The following PCDHGA3 variants were observed in gnomAD, a reference collection of about 807,000 sequenced individuals.
The protein encoded by PCDHGA3 is protocadherin gamma-A3.
A neutral mutation model predicts 58.5 loss-of-function variants in PCDHGA3; 40 were observed. The observed-to-expected ratio is 0.68, with a 90% confidence interval of 0.53 to 0.89. PCDHGA3 has a LOEUF of 0.89. Ranked by LOEUF, PCDHGA3 falls within the 40% of genes least tolerant of loss-of-function variation. The probability of loss-of-function intolerance (pLI) is 0.00; values close to 1 mark genes in which losing one functional copy is unlikely to be tolerated. For synonymous variants in PCDHGA3, 530 were observed against 525.7 expected (o/e 1.01, Z -0.11); for missense variants, 1,223 against 1,195.9 (o/e 1.02, Z -0.33).
In PCDHGA3 at chr5:141,364,723, G is replaced by A. The variant is rs746438679; in HGVS notation, c.2424+18266G>A. On this transcript the variant is annotated intron_variant, in intron 1 of 3. Coordinates refer to ENST00000253812, the MANE Select transcript of PCDHGA3 (RefSeq NM_018916.4). ...TAATCGATATTAATGATAACTTCCC[G>A]CGTTTCCGGGATGAAGAGTTAAAAG... 4 of 1,613,938 alleles carry A rather than the reference G, an allele frequency of 2.5e-6. No homozygotes were observed. The East Asian group carries it at 6.7e-5, about 27-fold the overall frequency.
rs1248104988 is a variant in PCDHGA3, at chr5:141,409,585, G to A, written c.2424+63128G>A. 3.1e-6 allele frequency: 5 copies of A among 1,613,912 alleles called. No individual in the cohort carries two copies. The Admixed American group carries it at 5.0e-5, about 16-fold the overall frequency. ...ACCAGACGTCCTACGTGGTCCACGT[G>A]GCCGAGAACAACCCGCCAGGAGCCT... On this transcript the variant is annotated intron_variant, in intron 1 of 3. Coordinates refer to ENST00000253812, the MANE Select transcript of PCDHGA3 (RefSeq NM_018916.4).
chr5:141,476,078 C>G lies in PCDHGA3; in HGVS notation c.2425-18729C>G. On this transcript the variant is annotated intron_variant, in intron 1 of 3. Transcript: ENST00000253812. The surrounding 1 kb of genome is among the most constrained non-coding windows in gnomAD (Gnocchi z 7.6). ...AAGTTTCTCAGCGAAATCTCAGGGA[C>G]GATCTGGACCCCGCTGAGAGGAACT... is the stretch of plus-strand genomic sequence containing the variant. 1 of 1,528,034 alleles carries G rather than the reference C, an allele frequency of 6.5e-7. No homozygotes were observed. 94.7% of individuals were successfully genotyped at this position (1,528,034 alleles called of 1,614,324 possible).
chr5:141,496,589 G>A (rs914585858), intron 2 of PCDHGA3, among the ~76,000 whole-genome samples: 7 of 152,124 alleles, frequency 4.6e-5, no homozygotes, highest in Admixed American at 6.5e-5. Flanking sequence ...AACGCAAAGC[G>A]CTTCTTAGAA....
In PCDHGA3 at chr5:141,476,516, G is replaced by T. The variant is rs1042414523; in HGVS notation, c.2425-18291G>T. 1 of 1,614,016 alleles carries T rather than the reference G, an allele frequency of 6.2e-7. No individual in the cohort carries two copies. The highest frequency in any genetic ancestry group is 8.5e-7 in the Non-Finnish European group (1 of 1,180,022). ...CCAGGACATCAACGACAACAATCCT[G>T]CTTTCCCTACCCAGGAAATGAAATT... On this transcript the variant is annotated intron_variant, in intron 1 of 3. Transcript: ENST00000253812. The surrounding 1 kb of genome is among the most constrained non-coding windows in gnomAD (Gnocchi z 7.6).
chr5:141,403,960 G>C (rs775638627), intron 1 of PCDHGA3: 2 of 1,613,658 alleles, frequency 1.2e-6, no homozygotes, highest in African/African-American at 1.3e-5. Flanking sequence ...TGCTCATTTC[G>C]GTGGAAGATG....
intron 1 of PCDHGA3, among the ~76,000 whole-genome samples, chr5:141,457,938 G>A (rs915640623): frequency 6.6e-6 from 1 of 152,160 alleles, no homozygotes; most frequent in African/African-American, 2.4e-5. Flanking sequence ...GCTTTTATTG[G>A]CTCTGCATGT....
Position 141,486,791 on chromosome 5 carries a change from C to G in PCDHGA3, c.2425-8016C>G. On this transcript the variant is annotated intron_variant, in intron 1 of 3. Coordinates refer to ENST00000253812, the MANE Select transcript of PCDHGA3 (RefSeq NM_018916.4). The surrounding 1 kb of genome is among the most constrained non-coding windows in gnomAD (Gnocchi z 5.0). ...GCAGTTTGAGGTGCAGGCCCGGGAT[C>G]GGGGCAACCCACCCCTTAGCAGCAC... The G allele has an allele frequency of 1.9e-6, 3 of 1,614,224 alleles. No individual in the cohort carries two copies. The highest frequency in any genetic ancestry group is 2.5e-6 in the Non-Finnish European group (3 of 1,180,046).
chr5:141,421,395 G>A (rs2096569109), intron 1 of PCDHGA3: 1 of 1,613,950 alleles, frequency 6.2e-7, no homozygotes, highest in Admixed American at 1.7e-5. Flanking sequence ...TGGGGCTGGA[G>A]CCCCGGGAGC....
At chr5:141,357,292 G>A (rs1940916044) in intron 1 of PCDHGA3, 1 of 1,613,972 alleles carries the variant, frequency 6.2e-7, no homozygotes. Flanking sequence ...GGTGGCAGTG[G>A]CCGCTGTCTC....
At chr5:141,388,798 TA>T in intron 1 of PCDHGA3, 3 of 1,613,888 alleles carry the variant, frequency 1.9e-6, no homozygotes, top group Non-Finnish European at 2.5e-6. Flanking sequence ...TTAAATACAT[TA>T]GATTTTGAAG....
intron 1 of PCDHGA3, chr5:141,415,519 A>T: frequency 1.9e-6 from 3 of 1,614,182 alleles, no homozygotes; most frequent in Non-Finnish European, 2.5e-6. Context: ...TTATGCGGAC[A>T]CGCTCATCAG....
Position 141,493,034 on chromosome 5 carries a change from G to A in PCDHGA3, c.2425-1773G>A, listed in dbSNP as rs75211372. 6.6e-6 allele frequency among the ~76,000 whole-genome samples: 1 copy of A among 152,230 alleles called. No homozygotes were observed. Among genetic ancestry groups the A allele is most frequent in the African/African-American group, 2.4e-5 (1 of 41,458 alleles). On this transcript the variant is annotated intron_variant, in intron 1 of 3. Transcript: ENST00000253812. This position sits in a 1 kb window ranked among gnomAD's most constrained non-coding sequence, Gnocchi z 4.3. ...GCCAGATGCCAGGGTGCCCTTATGTGTGAGGAAACTACAATAGTAAAAAAC... is the reference window on the plus strand; with the variant it reads ...GCCAGATGCCAGGGTGCCCTTATGTATGAGGAAACTACAATAGTAAAAAAC...
Position 141,432,587 on chromosome 5 carries a change from A to C in PCDHGA3, c.2425-62220A>C. ...CGCCTGGCTGTCCTACCGTCTGCTC[A>C]AGGCCAGCGAGCCGGGACTCTTCTC... On this transcript the variant is annotated intron_variant, in intron 1 of 3. Transcript: ENST00000253812. This position sits in a 1 kb window ranked among gnomAD's most constrained non-coding sequence, Gnocchi z 6.0. 1.9e-6 allele frequency: 3 copies of C among 1,613,250 alleles called. No individual in the cohort carries two copies. Among genetic ancestry groups the C allele is most frequent in the Non-Finnish European group, 2.5e-6 (3 of 1,179,918 alleles).
At chr5:141,480,703 C>T (rs577131684) in intron 1 of PCDHGA3, among the ~76,000 whole-genome samples, 10 of 152,252 alleles carry the variant, frequency 6.6e-5, no homozygotes, top group Admixed American at 1.3e-4. Flanking sequence ...GGCCACACCC[C>T]GACAAATGAA....
At chr5:141,394,618 C>T (rs1439211567) in intron 1 of PCDHGA3, 2 of 1,613,396 alleles carry the variant, frequency 1.2e-6, no homozygotes, top group African/African-American at 1.3e-5. Context: ...GGCCAGAACG[C>T]CTGGCTGTCC....
At position 141,389,685 on chromosome 5, in the gene PCDHGA3, TG is replaced by T. The variant is rs1303219922; in HGVS notation, c.2424+43230del. 1.8e-5 allele frequency: 29 copies of T among 1,612,354 alleles called. No homozygotes were observed. In the East Asian group the frequency reaches 6.2e-4, roughly 35 times the overall value. On this transcript the variant is annotated intron_variant, in intron 1 of 3. Coordinates refer to ENST00000253812, the MANE Select transcript of PCDHGA3 (RefSeq NM_018916.4). ...GGACGCAGACTCAGGACACAACGCC[TG>T]GCTGTCCTACCACGTGCTGCAGGCT...
chr5:141,434,795 T>C (rs1027924206), intron 1 of PCDHGA3, among the ~76,000 whole-genome samples: 2 of 152,004 alleles, frequency 1.3e-5, no homozygotes, highest in African/African-American at 2.4e-5. Context: ...TTTTTTTTTC[T>C]GAGCTTGGAG....
At chr5:141,390,012 G>A (rs370865188) in intron 1 of PCDHGA3, 2 of 1,614,034 alleles carry the variant, frequency 1.2e-6, no homozygotes, top group South Asian at 2.2e-5. Context: ...TCTGGCCATT[G>A]CCTTGCGCCT....
chr5:141,346,776 T>A (rs1165398439), intron 1 of PCDHGA3, among the ~76,000 whole-genome samples: 1 of 152,242 alleles, frequency 6.6e-6, no homozygotes, highest in Non-Finnish European at 1.5e-5. Context: ...ACCTGGGTCC[T>A]TGAGTAACTA....
Sources: allele counts gnomAD v4.1 joint callset (sites outside exome capture counted in the v4.1 genomes callset), GRCh38; gene constraint gnomAD v4.1.1; non-coding constraint Gnocchi (gnomAD v3.1); transcripts MANE v1.5; gene names NCBI Gene and HGNC (gene_info 2026-07-23, HGNC 2026-07-21).